Variants in ENAH observed in about 807,000 individuals in gnomAD.
ENAH encodes the protein ENAH actin regulator, also known as protein enabled homolog.
A neutral mutation model predicts 78.7 loss-of-function variants in ENAH; 23 were observed. That is an observed-to-expected ratio of 0.29 (90% CI 0.21 to 0.41). ENAH has a LOEUF of 0.41. Among genes scored for constraint, ENAH ranks in the 10% least tolerant of loss-of-function variants. ENAH has a pLI of 1.00. For synonymous variants in ENAH, 226 were observed against 241.0 expected (o/e 0.94, Z 0.58); for missense variants, 544 against 691.0 (o/e 0.79, Z 2.39).
intron 1 of ENAH, among the ~76,000 whole-genome samples, chr1:225,584,784 T>C (rs907613766): frequency 6.6e-6 from 1 of 152,348 alleles, no homozygotes; most frequent in African/African-American, 2.4e-5. Context: ...AGTACCCATA[T>C]AGTAATATCA....
intron 5 of ENAH, chr1:225,518,092 A>C: frequency 2.1e-6 from 2 of 949,478 alleles, no homozygotes; most frequent in Non-Finnish European, 3.1e-6. Flanking sequence ...CACAATGTAT[A>C]AATGTAGACT....
At position 225,486,922 on chromosome 1, in the gene ENAH, T is replaced by C. The variant is rs2096203490; in HGVS notation, c.*10853A>G. 6.6e-6 allele frequency: 1 copy of C among 152,520 alleles called. No homozygotes were observed. Among genetic ancestry groups the C allele is most frequent in the Admixed American group, 6.5e-5 (1 of 15,278 alleles). The allele number at this position is 152,520 out of a possible 1,614,324, so 9.4% of individuals were successfully genotyped here. On this transcript the variant is annotated 3_prime_UTR_variant, in exon 14 of 14. Transcript: ENST00000366843. ...AGTTAAAACCAGCAAAGCTGCAAAG[T>C]AGGAAAGAAAGCTGAGGGAGAGATT...
intron 1 of ENAH, among the ~76,000 whole-genome samples, chr1:225,614,593 G>A (rs2097013977): frequency 6.6e-6 from 1 of 152,134 alleles, no homozygotes; most frequent in Non-Finnish European, 1.5e-5. Context: ...CTGGCCACTG[G>A]TTATCAACTC....
intron 1 of ENAH, among the ~76,000 whole-genome samples, chr1:225,615,245 G>C (rs1006914518): frequency 6.6e-6 from 1 of 152,166 alleles, no homozygotes; most frequent in East Asian, 1.9e-4. Flanking sequence ...GGGTTTCGCC[G>C]TGTTGGCCCG....
At chr1:225,560,981 A>T (rs1271249007) in intron 2 of ENAH, among the ~76,000 whole-genome samples, 1 of 152,246 alleles carries the variant, frequency 6.6e-6, no homozygotes, top group Non-Finnish European at 1.5e-5. Flanking sequence ...CATGCCTGTA[A>T]TCCCAGCACT....
intron 11 of ENAH, among the ~76,000 whole-genome samples, chr1:225,505,772 T>C (rs534845289): frequency 2.0e-5 from 3 of 152,262 alleles, no homozygotes; most frequent in Non-Finnish European, 4.4e-5. Context: ...ATATCAGTAG[T>C]TGGATCAAAT....
At chr1:225,609,970 T>C (rs1157315795) in intron 1 of ENAH, among the ~76,000 whole-genome samples, 1 of 152,078 alleles carries the variant, frequency 6.6e-6, no homozygotes, top group Non-Finnish European at 1.5e-5. Flanking sequence ...GGCCTACTTT[T>C]TTTATTAGCC....
intron 10 of ENAH, among the ~76,000 whole-genome samples, chr1:225,510,866 A>G (rs1278112948): frequency 6.6e-6 from 1 of 152,006 alleles, no homozygotes; most frequent in African/African-American, 2.4e-5. Flanking sequence ...CCAAACAATT[A>G]GCCAGGAGTG....
intron 1 of ENAH, among the ~76,000 whole-genome samples, chr1:225,597,551 G>A (rs2096907791): frequency 6.6e-6 from 1 of 151,486 alleles, no homozygotes; most frequent in South Asian, 2.1e-4. Context: ...CAGCTACCCA[G>A]GAGCCCGAGA....
chr1:225,629,173 G>A (rs776307862), intron 1 of ENAH, among the ~76,000 whole-genome samples: 1 of 152,054 alleles, frequency 6.6e-6, no homozygotes, highest in South Asian at 2.1e-4. Flanking sequence ...AGCTACTTGG[G>A]AAGCTGGGTC....
At chr1:225,500,173 T>C (rs1426661288) in intron 12 of ENAH, among the ~76,000 whole-genome samples, 1 of 152,240 alleles carries the variant, frequency 6.6e-6, no homozygotes, top group Non-Finnish European at 1.5e-5. Context: ...ATTTTATAAC[T>C]CAATTTAACT....
intron 3 of ENAH, among the ~76,000 whole-genome samples, chr1:225,553,256 C>T (rs1165871120): frequency 1.3e-5 from 2 of 151,936 alleles, no homozygotes; most frequent in African/African-American, 4.8e-5. Context: ...AATAAATTTG[C>T]ATTTTGAAAT....
intron 6 of ENAH, chr1:225,515,106 T>C: frequency 1.8e-6 from 1 of 557,706 alleles, no homozygotes; most frequent in Non-Finnish European, 3.1e-6. Context: ...CTACTTACTT[T>C]AGGTTAGAGC....
At chr1:225,628,846 T>TG (rs1658429594) in intron 1 of ENAH, among the ~76,000 whole-genome samples, 1 of 145,128 alleles carries the variant, frequency 6.9e-6, no homozygotes, top group Non-Finnish European at 1.5e-5. Flanking sequence ...GCGGAGGTTG[T>TG]GGTGAGTGGA....
intron 3 of ENAH, chr1:225,535,436 A>G: frequency 9.5e-7 from 1 of 1,053,692 alleles, no homozygotes; most frequent in Non-Finnish European, 1.3e-6. Context: ...CTAAGAAAAC[A>G]AAAGTTATGG....
chr1:225,647,806 C>A (rs1662240521), intron 1 of ENAH, among the ~76,000 whole-genome samples: 1 of 152,094 alleles, frequency 6.6e-6, no homozygotes, highest in South Asian at 2.1e-4. Context: ...CTTACACAGG[C>A]CACCCACTAT....
chr1:225,570,402 G>A (rs1463119327), intron 1 of ENAH, among the ~76,000 whole-genome samples: 2 of 151,112 alleles, frequency 1.3e-5, no homozygotes, highest in Non-Finnish European at 2.9e-5. Flanking sequence ...TTTTTTTCCA[G>A]TGTTTTTCAG....
At chr1:225,565,444 A>C (rs539644998) in intron 2 of ENAH, among the ~76,000 whole-genome samples, 1 of 2,570 alleles carries the variant, frequency 3.9e-4, no homozygotes, top group African/African-American at 1.1e-3. Context: ...TCAAATAATA[A>C]AAAAAAAAAA....
intron 1 of ENAH, among the ~76,000 whole-genome samples, chr1:225,650,482 GA>G (rs945791027): frequency 2.6e-5 from 4 of 152,162 alleles, no homozygotes; most frequent in African/African-American, 9.7e-5. Context: ...AAACTTCACT[GA>G]ATACCCAAAA....
Sources: gnomAD v4.1 joint callset for allele counts (sites outside exome capture counted in the v4.1 genomes callset) on GRCh38, gnomAD v4.1.1 for gene constraint, MANE v1.5 for transcripts, NCBI Gene and HGNC (gene_info 2026-07-23, HGNC 2026-07-21) for gene names.